The following TCOF1 variants were observed in gnomAD, a reference collection of about 807,000 sequenced individuals.
TCOF1 encodes the protein treacle ribosome biogenesis factor 1, also known as treacle protein.
TCOF1 carries 33 observed loss-of-function variants against 149.0 expected under a neutral mutation model. That is an observed-to-expected ratio of 0.22 (90% CI 0.17 to 0.30). TCOF1 has a LOEUF of 0.30. TCOF1 is among the 10% of genes least tolerant of loss of function. TCOF1 has a pLI of 1.00. For missense variants in TCOF1, 1,728 were observed against 1,840.7 expected, an observed-to-expected ratio of 0.94 and a Z score of 1.12; for synonymous variants, 789 against 738.8, an observed-to-expected ratio of 1.07 and a Z score of -1.10.
rs186344458 is a variant in TCOF1, at chr5:150,374,431, A to G, written c.1083+45A>G. On this transcript the variant is annotated intron_variant, in intron 8 of 26. Transcript: ENST00000643257. ...ACTCCATGCAGCCAGGCCCGTCCCC[A>G]GAAGGCCTTCTCAGGACTTGTTCTC... 1.7e-5 allele frequency: 27 copies of G among 1,550,766 alleles called. No homozygotes were observed. In the Admixed American group the frequency reaches 2.2e-4, roughly 12 times the overall value.
rs770763775 is a variant in TCOF1, at chr5:150,374,932, CT to C, written c.1279-21del. The C allele has an allele frequency of 1.9e-6, 3 of 1,613,670 alleles. No individual in the cohort carries two copies. In the East Asian group the frequency reaches 6.7e-5, roughly 36 times the overall value. On this transcript the variant is annotated intron_variant, in intron 9 of 26. Transcript: ENST00000643257. Reference sequence around the variant, plus strand: ...ACACGTCCACCCTCTGGGCTCTCCCCTCATCCTGTTTCTCACTCCAGGCGAA... The same window carrying C: ...ACACGTCCACCCTCTGGGCTCTCCCCCATCCTGTTTCTCACTCCAGGCGAA...
At position 150,364,220 on chromosome 5, in the gene TCOF1, A is replaced by C; in HGVS notation, c.272A>C (p.Glu91Ala). The C allele has an allele frequency of 6.2e-7, 1 of 1,614,148 alleles. No homozygotes were observed. Among genetic ancestry groups the C allele is most frequent in the Non-Finnish European group, 8.5e-7 (1 of 1,180,014 alleles). ...AGCACCTCGGAGAGCTCGGAAGAGG[A>C]GGAAGAAGCAGAAGCCGAAACCGCC... ...PISTSESSEEEEEAEAETAKA... is the reference protein window; with the variant it reads ...PISTSESSEEAEEAEAETAKA... Residue 91 changes from glutamate (E) to alanine (A), a missense_variant, in exon 3 of 27, where the codon GAG becomes GCG. Transcript: ENST00000643257.
At chr5:150,398,475 A>T in intron 25 of TCOF1, 24 bp downstream of exon 25, 1 of 1,613,984 alleles carries the variant, frequency 6.2e-7, no homozygotes, top group Non-Finnish European at 8.5e-7. Flanking sequence ...GGGGTGTCTC[A>T]GGCCAGAAAA....
In TCOF1 at chr5:150,366,350, C is replaced by CA. The variant is rs1363587272; in HGVS notation, c.305-1486dup. On this transcript the variant is annotated intron_variant, in intron 3 of 26. Coordinates refer to ENST00000643257, the MANE Select transcript of TCOF1 (RefSeq NM_001371623.1). ...TGGGCAGCAGAGCAAGACCCTGTCTCAAAAAAAATTTAAAAACGCATCCTC... is the reference window on the plus strand; with the variant it reads ...TGGGCAGCAGAGCAAGACCCTGTCTCAAAAAAAAATTTAAAAACGCATCCTC... 2.0e-5 allele frequency among the ~76,000 whole-genome samples: 3 copies of CA among 151,758 alleles called. 1 individual carries two copies. The South Asian group carries it at 6.2e-4, about 32-fold the overall frequency.
At chr5:150,365,253 CTTTTTT>C in intron 3 of TCOF1, among the ~76,000 whole-genome samples, 1 of 116,502 alleles carries the variant, frequency 8.6e-6, no homozygotes, top group Admixed American at 8.8e-5. Context: ...CTTTTTCTTT[CTTTTTT>C]TTTTTTTTTT....
In TCOF1 at chr5:150,372,098, G is replaced by C. The variant is rs759788233; in HGVS notation, c.732G>C (p.Lys244Asn). ...PARKAAPAPG[K>N]VGDVTPQVKG... ...GAAAGGCGGCCCCAGCCCCTGGGAA[G>C]GTGGGGGATGTGACACCCCAGGTCA... is the stretch of plus-strand genomic sequence containing the variant. Residue 244 changes from lysine (K) to asparagine (N), a missense_variant, in exon 7 of 27, where the codon AAG becomes AAC. By Grantham distance (94) the Lys-to-Asn change is moderately conservative (BLOSUM62 0). This residue lies in a region of TCOF1 where 1,696 missense variants were observed against 1,765.4 expected (regional missense o/e 0.96). Coordinates refer to ENST00000643257, the MANE Select transcript of TCOF1 (RefSeq NM_001371623.1). 3 of 1,614,110 alleles carry C rather than the reference G, an allele frequency of 1.9e-6. No homozygotes were observed. Among genetic ancestry groups the C allele is most frequent in the East Asian group, 4.5e-5 (2 of 44,896 alleles).
intron 17 of TCOF1, chr5:150,383,151 GGAA>G (rs760838276): frequency 6.5e-7 from 1 of 1,535,994 alleles, no homozygotes; most frequent in South Asian, 1.2e-5. Flanking sequence ...AGAGCAGTGA[GGAA>G]GAGCTGCCAC....
intron 25 of TCOF1, 80 bp from the exon 26 acceptor site, chr5:150,398,942 C>A: frequency 6.2e-7 from 1 of 1,601,834 alleles, no homozygotes; most frequent in Middle Eastern, 1.7e-4. Context: ...GGGGAATTCA[C>A]TAGTCCTCAG....
At chr5:150,362,419 G>C (rs1276441620) in intron 2 of TCOF1, among the ~76,000 whole-genome samples, 1 of 152,148 alleles carries the variant, frequency 6.6e-6, no homozygotes, top group African/African-American at 2.4e-5. Context: ...TGCCTTGGAT[G>C]GAAAGGAGGC....
At chr5:150,393,201 G>C (rs981450259) in intron 22 of TCOF1, 171 bp from the exon 23 acceptor site, 3 of 739,868 alleles carry the variant, frequency 4.1e-6, no homozygotes, top group Non-Finnish European at 4.6e-6. Context: ...GGAGGCACAC[G>C]CCAAGGGCTG....
chr5:150,392,830 G>A (rs1174878379), intron 22 of TCOF1, 40 bp downstream of exon 22: 1 of 1,606,342 alleles, frequency 6.2e-7, no homozygotes, highest in Middle Eastern at 1.7e-4. Flanking sequence ...ATAGGCCTTA[G>A]GGTGGAGCCC....
At chr5:150,359,437 G>C (rs1759506710) in intron 1 of TCOF1, among the ~76,000 whole-genome samples, 2 of 152,174 alleles carry the variant, frequency 1.3e-5, no homozygotes, top group South Asian at 4.1e-4. Context: ...GGCTGGAGTG[G>C]TCTGGTGGGC....
intron 24 of TCOF1, among the ~76,000 whole-genome samples, chr5:150,398,007 C>T (rs1581231588): frequency 6.6e-6 from 1 of 152,180 alleles, no homozygotes; most frequent in African/African-American, 2.4e-5. Context: ...ACTGCAGGCT[C>T]AGCCTCCCAA....
intron 23 of TCOF1, 86 bp from the exon 24 acceptor site, chr5:150,396,196 C>T (rs1768465428): frequency 6.8e-7 from 1 of 1,477,148 alleles, no homozygotes; most frequent in Admixed American, 1.7e-5. Context: ...GATGGAGTCA[C>T]TCCCTGCACC....
Position 150,379,623 on chromosome 5 carries a change from G to T in TCOF1, c.2750G>T (p.Gly917Val), listed in dbSNP as rs1209212019. The change falls in exon 17 of 27, where the codon GGG becomes GTG. Residue 917 changes from glycine (G) to valine (V), a missense_variant. Coordinates refer to ENST00000643257, the MANE Select transcript of TCOF1 (RefSeq NM_001371623.1). ...PRKGAAPTPP[G>V]KTGPSAAQAG... Reference sequence around the variant, plus strand: ...AAAGGGGCTGCCCCAACACCTCCTGGGAAGACAGGGCCTTCGGCTGCCCAG... The same window carrying T: ...AAAGGGGCTGCCCCAACACCTCCTGTGAAGACAGGGCCTTCGGCTGCCCAG... The T allele has an allele frequency of 2.5e-6, 4 of 1,613,890 alleles. No homozygotes were observed. Among genetic ancestry groups the T allele is most frequent in the Middle Eastern group, 1.6e-4 (1 of 6,078 alleles).
intron 25 of TCOF1, 139 bp downstream of exon 25, chr5:150,398,590 A>G: frequency 7.4e-7 from 1 of 1,354,378 alleles, no homozygotes; most frequent in Non-Finnish European, 1.0e-6. Flanking sequence ...CACACCAGGG[A>G]AGAGGCTGGC....
chr5:150,379,013 G>T lies in TCOF1; in HGVS notation c.2449G>T (p.Ala817Ser). Residue 817 changes from alanine (A) to serine (S), a missense_variant, in exon 15 of 27, where the codon GCT becomes TCT. This residue lies in a region of TCOF1 where 1,696 missense variants were observed against 1,765.4 expected (regional missense o/e 0.96). Transcript: ENST00000643257. The stretch of plus-strand genomic sequence containing the variant: ...CCCTGGAAAAGTTGTCACTGCAGCT[G>T]CTCAAGCCAAGCAGAGGTCTCCATC... ...SAPGKVVTAAAQAKQRSPSKV... is the reference protein window; with the variant it reads ...SAPGKVVTAASQAKQRSPSKV... The T allele has an allele frequency of 6.2e-7, 1 of 1,614,072 alleles. No homozygotes were observed. Among genetic ancestry groups the T allele is most frequent in the Non-Finnish European group, 8.5e-7 (1 of 1,180,012 alleles).
chr5:150,394,331 G>C (rs1768001982), intron 23 of TCOF1: 1 of 153,250 alleles, frequency 6.5e-6, no homozygotes, highest in African/African-American at 2.4e-5. Flanking sequence ...CTGGCCCCAG[G>C]CTGTTCTGAC....
chr5:150,358,091 C>G (rs2150350074), intron 1 of TCOF1, among the ~76,000 whole-genome samples: 1 of 152,322 alleles, frequency 6.6e-6, no homozygotes, highest in Middle Eastern at 3.4e-3. Flanking sequence ...AAAGTGTGCT[C>G]GCAGGGGCCG....
Sources: gnomAD v4.1 joint callset for allele counts (sites outside exome capture counted in the v4.1 genomes callset) on GRCh38, gnomAD v4.1.1 for gene constraint, gnomAD v4.1.1 regional missense constraint, MANE v1.5 for transcripts, NCBI Gene and HGNC (gene_info 2026-07-23, HGNC 2026-07-21) for gene names.